Variants in LGR5 observed in about 807,000 individuals in gnomAD.
LGR5 encodes the protein leucine-rich repeat-containing G protein-coupled receptor 5.
A neutral mutation model predicts 76.7 loss-of-function variants in LGR5; 54 were observed. The ratio of observed to expected loss-of-function variants is 0.70; its 90% CI spans 0.57 to 0.88. LGR5 has a LOEUF of 0.88. Ranked by LOEUF, LGR5 falls within the 40% of genes least tolerant of loss-of-function variation. The probability of loss-of-function intolerance (pLI) is 0.00; values close to 1 mark genes in which losing one functional copy is unlikely to be tolerated. For synonymous variants in LGR5, 406 were observed against 421.9 expected (o/e 0.96, Z 0.46); for missense variants, 1,078 against 1,073.3 (o/e 1.00, Z -0.06).
chr12:71,530,611 TA>T (rs970384190), intron 3 of LGR5, among the ~76,000 whole-genome samples: 1 of 151,872 alleles, frequency 6.6e-6, no homozygotes, highest in Admixed American at 6.6e-5. Context: ...TTGGCCCTAA[TA>T]AAAAAAATAA....
chr12:71,499,529 AC>A (rs1409364658), intron 1 of LGR5, among the ~76,000 whole-genome samples: 2 of 152,120 alleles, frequency 1.3e-5, no homozygotes, highest in African/African-American at 4.8e-5. Context: ...CCCACATTAA[AC>A]CAGATTGTGA....
intron 2 of LGR5, among the ~76,000 whole-genome samples, chr12:71,505,853 T>C (rs539603185): frequency 6.6e-6 from 1 of 152,312 alleles, no homozygotes; most frequent in South Asian, 2.1e-4. Context: ...GGTTTTGTCA[T>C]TCATGGAATA....
intron 1 of LGR5, among the ~76,000 whole-genome samples, chr12:71,483,644 G>A (rs934541085): frequency 6.6e-6 from 1 of 152,166 alleles, no homozygotes; most frequent in Non-Finnish European, 1.5e-5. Context: ...TTCAGACTCT[G>A]ACTCTGCTGC....
chr12:71,576,905 C>T lies in LGR5; in HGVS notation c.1209-1020C>T, dbSNP rs147025167. 7.9e-3 allele frequency among the ~76,000 whole-genome samples: 1,206 copies of T among 152,216 alleles called. 17 individuals are homozygous for T. The highest frequency in any genetic ancestry group is 0.013 in the Non-Finnish European group (888 of 68,014). On this transcript the variant is annotated intron_variant, in intron 13 of 17. Transcript: ENST00000266674. Reference sequence around the variant, plus strand: ...CTCACTCAATTACCCAAAGCCCAGCCGCCATTTGTAGCTTTTCTACCTTCC... The same window carrying T: ...CTCACTCAATTACCCAAAGCCCAGCTGCCATTTGTAGCTTTTCTACCTTCC...
chr12:71,485,784 T>A (rs1873798554), intron 1 of LGR5, among the ~76,000 whole-genome samples: 1 of 150,212 alleles, frequency 6.7e-6, no homozygotes, highest in Non-Finnish European at 1.5e-5. Context: ...TTTTTTTTTT[T>A]GAGAGGAAGT....
At chr12:71,513,943 T>C (rs1351813570) in intron 2 of LGR5, among the ~76,000 whole-genome samples, 1 of 152,136 alleles carries the variant, frequency 6.6e-6, no homozygotes, top group African/African-American at 2.4e-5. Flanking sequence ...GTGCATGCAA[T>C]AAGACTCTTG....
intron 1 of LGR5, among the ~76,000 whole-genome samples, chr12:71,456,200 A>G (rs986627042): frequency 6.6e-6 from 1 of 152,190 alleles, no homozygotes; most frequent in Non-Finnish European, 1.5e-5. Flanking sequence ...ATAAGTCCAC[A>G]TAAAGACGGG....
chr12:71,519,300 T>C (rs1297399072), intron 2 of LGR5, among the ~76,000 whole-genome samples: 3 of 152,218 alleles, frequency 2.0e-5, no homozygotes, highest in Non-Finnish European at 4.4e-5. Flanking sequence ...CCATCTTATC[T>C]GAAATAATAG....
At chr12:71,548,415 G>A (rs1359626757) in intron 4 of LGR5, among the ~76,000 whole-genome samples, 4 of 151,952 alleles carry the variant, frequency 2.6e-5, no homozygotes, top group Non-Finnish European at 5.9e-5. Context: ...GCACCTCTAA[G>A]TTATTTCTAT....
At chr12:71,578,046 C>A in intron 14 of LGR5, 50 bp downstream of exon 14, 1 of 1,367,964 alleles carries the variant, frequency 7.3e-7, no homozygotes. Context: ...AATTGAGGAC[C>A]ATCTAGTTAA....
intron 1 of LGR5, among the ~76,000 whole-genome samples, chr12:71,469,504 C>G (rs554776581): frequency 4.6e-5 from 7 of 152,342 alleles, no homozygotes; most frequent in African/African-American, 1.7e-4. Flanking sequence ...AGGAGCAGCA[C>G]GCTCTGGCCT....
At chr12:71,507,780 C>T (rs541069143) in intron 2 of LGR5, among the ~76,000 whole-genome samples, 1 of 151,842 alleles carries the variant, frequency 6.6e-6, no homozygotes, top group Non-Finnish European at 1.5e-5. Flanking sequence ...TGTGTTATGA[C>T]AATTAGGACA....
intron 11 of LGR5, among the ~76,000 whole-genome samples, chr12:71,570,218 CTAGGTGATGGGCTGA>C (rs1878542878): frequency 6.6e-6 from 1 of 152,146 alleles, no homozygotes; most frequent in South Asian, 2.1e-4. Flanking sequence ...GGCTTAATAC[CTAGGTGATGGGCTGA>C]TAGGTGCAGT....
chr12:71,462,615 C>A (rs1482222063), intron 1 of LGR5, among the ~76,000 whole-genome samples: 3 of 152,130 alleles, frequency 2.0e-5, no homozygotes, highest in Admixed American at 6.6e-5. Context: ...TCGTCTCACC[C>A]AATAGATGCC....
chr12:71,560,764 G>A (rs1276728347), intron 7 of LGR5, among the ~76,000 whole-genome samples: 2 of 152,222 alleles, frequency 1.3e-5, no homozygotes, highest in Non-Finnish European at 2.9e-5. Context: ...CTGCACTCCA[G>A]CCTGGGAGAC....
intron 2 of LGR5, among the ~76,000 whole-genome samples, chr12:71,505,452 C>T (rs181660680): frequency 5.2e-4 from 79 of 152,264 alleles, no homozygotes; most frequent in Middle Eastern, 3.4e-3. Context: ...TAGTGTAGAA[C>T]GTTTGGCACC....
At chr12:71,556,496 T>A in intron 5 of LGR5, 123 bp from the exon 6 acceptor site, 1 of 697,448 alleles carries the variant, frequency 1.4e-6, no homozygotes, top group South Asian at 1.8e-5. Context: ...TAGCCATTTT[T>A]TACATTGGCT....
chr12:71,458,765 G>A (rs904546781), intron 1 of LGR5, among the ~76,000 whole-genome samples: 4 of 152,248 alleles, frequency 2.6e-5, no homozygotes, highest in Admixed American at 6.5e-5. Context: ...TGTGCTAGAT[G>A]CTGAGGGTAT....
At chr12:71,569,361 A>C (rs962177434) in intron 11 of LGR5, among the ~76,000 whole-genome samples, 21 of 152,248 alleles carry the variant, frequency 1.4e-4, no homozygotes, top group African/African-American at 5.1e-4. Context: ...CTATCATCAG[A>C]GCGAACAGAC....
Sources: gnomAD v4.1 joint callset for allele counts (sites outside exome capture counted in the v4.1 genomes callset) on GRCh38, gnomAD v4.1.1 for gene constraint, MANE v1.5 for transcripts, NCBI Gene and HGNC (gene_info 2026-07-23, HGNC 2026-07-21) for gene names.